CFAP46: variants seen among roughly 807,000 people sequenced by gnomAD.
CFAP46 encodes the protein cilia- and flagella-associated protein 46.
A neutral mutation model predicts 325.7 loss-of-function variants in CFAP46; 245 were observed. The ratio of observed to expected loss-of-function variants is 0.75; its 90% CI spans 0.68 to 0.84. The LOEUF is 0.84. CFAP46 is among the 40% of genes least tolerant of loss of function. The pLI, the probability that CFAP46 is intolerant of heterozygous loss-of-function variation, is 0.00. For synonymous variants in CFAP46, 1,523 were observed against 1,495.9 expected, an observed-to-expected ratio of 1.02 and a Z score of -0.42; for missense variants, 3,346 against 3,543.0, an observed-to-expected ratio of 0.94 and a Z score of 1.41.
At position 132,869,508 on chromosome 10, in the gene CFAP46, T is replaced by A; in HGVS notation, c.4512-136A>T. On this transcript the variant is annotated intron_variant, in intron 32 of 57. Coordinates refer to ENST00000368586, the MANE Select transcript of CFAP46 (RefSeq NM_001200049.3). This position sits in a 1 kb window ranked among gnomAD's most constrained non-coding sequence, Gnocchi z 6.2. ...CTTGGATGGTATTTTCAATCATTTT[T>A]AAAGGTAAGCGAAATTACTAGGGAA... 1 of 579,066 alleles carries A rather than the reference T, an allele frequency of 1.7e-6. No homozygotes were observed. Among genetic ancestry groups the A allele is most frequent in the Non-Finnish European group, 2.8e-6 (1 of 361,426 alleles). 35.9% of individuals were successfully genotyped at this position (579,066 alleles called of 1,614,324 possible).
At chr10:132,897,486 C>T (rs990305189) in intron 24 of CFAP46, among the ~76,000 whole-genome samples, 4 of 152,192 alleles carry the variant, frequency 2.6e-5, no homozygotes, top group East Asian at 1.9e-4. Flanking sequence ...TGGTAGGAAC[C>T]GCATATCTAG....
At chr10:132,932,059 G>GCTCCCCACACAGAGCCTGGACCTTCATC (rs1564805103) in intron 8 of CFAP46, among the ~76,000 whole-genome samples, 1 of 79,800 alleles carries the variant, frequency 1.3e-5, no homozygotes, top group Non-Finnish European at 2.4e-5. Flanking sequence ...GGGCCTTCCT[G>GCTCCCCACACAGAGCCTGGACCTTCATC]CTCCCCACAC....
Position 132,887,834 on chromosome 10 carries a change from TTC to T in CFAP46, c.3305-1877_3305-1876del, listed in dbSNP as rs202090633. 4.0e-3 allele frequency among the ~76,000 whole-genome samples: 268 copies of T among 66,864 alleles called. 37 individuals carry two copies. The highest frequency in any genetic ancestry group is 0.019 in the African/African-American group (218 of 11,600). The allele number at this position is 66,864 out of a possible 152,430, so 43.9% of individuals were successfully genotyped here. A position where few individuals can be genotyped will look rare whatever the true frequency, so the allele number is the denominator to read the frequency against. ...CTCCCCTCTTCTCTCCTCTCCCTTC[TTC>T]TCTCTCCTCTCCTCTCCCCTTCTCT... On this transcript the variant is annotated intron_variant, in intron 25 of 57. Coordinates refer to ENST00000368586, the MANE Select transcript of CFAP46 (RefSeq NM_001200049.3).
intron 44 of CFAP46, among the ~76,000 whole-genome samples, chr10:132,839,681 T>A (rs1405242129): frequency 6.6e-6 from 1 of 152,256 alleles, no homozygotes; most frequent in Non-Finnish European, 1.5e-5. Context: ...TAAGGACATT[T>A]GCTTCTATCT....
chr10:132,932,868 T>C (rs936673953), intron 8 of CFAP46, among the ~76,000 whole-genome samples: 1 of 152,240 alleles, frequency 6.6e-6, no homozygotes, highest in Non-Finnish European at 1.5e-5. Flanking sequence ...ATCACGCTCC[T>C]CCGGTGGAGA....
intron 19 of CFAP46, 41 bp downstream of exon 19, chr10:132,912,614 T>TCTC: frequency 2.9e-6 from 2 of 680,240 alleles, no homozygotes; most frequent in Admixed American, 4.9e-5. Context: ...CCTCTCTCTC[T>TCTC]CTCTCTCTCT....
chr10:132,822,028 AGTGCTGATGT>A lies in CFAP46; in HGVS notation c.7118-7124_7118-7115del, dbSNP rs1475091895. Among the ~76,000 whole-genome samples, 57 of 61,102 alleles carry A rather than the reference AGTGCTGATGT, an allele frequency of 9.3e-4. 1 individual carries two copies. The highest frequency in any genetic ancestry group is 0.017 in the Middle Eastern group (1 of 60). 40.1% of individuals were successfully genotyped at this position (61,102 alleles called of 152,430 possible). A position where few individuals can be genotyped will look rare whatever the true frequency, so the allele number is the denominator to read the frequency against. ...TGTGTGTGCTGATGTGTGCTGTGTG[AGTGCTGATGT>A]GTGCTGATGTGTGCTGTGTGTGCTG... is the stretch of plus-strand genomic sequence containing the variant. On this transcript the variant is annotated intron_variant, in intron 50 of 57. Coordinates refer to ENST00000368586, the MANE Select transcript of CFAP46 (RefSeq NM_001200049.3).
chr10:132,835,552 A>G, intron 46 of CFAP46, 118 bp from the exon 47 acceptor site: 1 of 1,317,982 alleles, frequency 7.6e-7, no homozygotes, highest in South Asian at 1.4e-5. Flanking sequence ...GCATGGATGG[A>G]AGTCCCTTCC....
intron 50 of CFAP46, among the ~76,000 whole-genome samples, chr10:132,821,481 C>CGCT (rs1847825216): frequency 7.9e-6 from 1 of 126,518 alleles, no homozygotes; most frequent in Non-Finnish European, 1.6e-5. Context: ...GTTGTGTGTG[C>CGCT]TGTGTGAGTG....
At chr10:132,929,253 G>C (rs1344429235) in intron 9 of CFAP46, 1 of 573,642 alleles carries the variant, frequency 1.7e-6, no homozygotes, top group Non-Finnish European at 3.1e-6. Context: ...TACTGTAACA[G>C]AAGTGATGTG....
chr10:132,930,469 C>A, intron 8 of CFAP46, among the ~76,000 whole-genome samples: 1 of 147,812 alleles, frequency 6.8e-6, no homozygotes, highest in Admixed American at 6.7e-5. Flanking sequence ...CACACAGAGC[C>A]TGGGCCTTCC....
intron 24 of CFAP46, among the ~76,000 whole-genome samples, chr10:132,895,232 C>CA (rs1218455486): frequency 3.3e-5 from 5 of 152,166 alleles, no homozygotes; most frequent in Admixed American, 6.5e-5. Flanking sequence ...GCTCAATTGA[C>CA]AGAGAAAAGG....
In CFAP46 at chr10:132,810,446, G is replaced by A; in HGVS notation, c.7627C>T (p.Pro2543Ser). ...CCTCGTCGCCACTCATCTTCTGAAG[G>A]AGACGCACTGTTTCTCCAATTGGCT... ...WEANWRNSAS[P>S]SEDEWRRGGE... Residue 2543 changes from proline to serine, a missense_variant, in exon 57 of 58, where the codon CCT becomes TCT. Coordinates refer to ENST00000368586, the MANE Select transcript of CFAP46 (RefSeq NM_001200049.3). 2 of 1,613,620 alleles carry A rather than the reference G, an allele frequency of 1.2e-6. No homozygotes were observed. Among genetic ancestry groups the A allele is most frequent in the Non-Finnish European group, 1.7e-6 (2 of 1,179,970 alleles).
chr10:132,908,346 G>C, intron 22 of CFAP46, 122 bp downstream of exon 22: 1 of 1,234,738 alleles, frequency 8.1e-7, no homozygotes, highest in East Asian at 2.5e-5. Context: ...CCAGGCCCGC[G>C]CTCCCTGCCC....
chr10:132,905,993 C>A (rs1417479635), intron 22 of CFAP46, among the ~76,000 whole-genome samples: 1 of 152,262 alleles, frequency 6.6e-6, no homozygotes, highest in Non-Finnish European at 1.5e-5. Context: ...GAAAATGTAA[C>A]CTCTAGCCTC....
At chr10:132,940,439 G>A (rs769720145) in intron 4 of CFAP46, among the ~76,000 whole-genome samples, 5 of 152,212 alleles carry the variant, frequency 3.3e-5, no homozygotes, top group Non-Finnish European at 5.9e-5. Context: ...AGAAAGTGCT[G>A]GAGTCGCCTC....
Position 132,846,080 on chromosome 10 carries a change from G to A in CFAP46, c.6415C>T (p.Gln2139Ter), listed in dbSNP as rs1387750781. 3 of 1,594,758 alleles carry A rather than the reference G, an allele frequency of 1.9e-6. No homozygotes were observed. Among genetic ancestry groups the A allele is most frequent in the Non-Finnish European group, 2.6e-6 (3 of 1,175,990 alleles). Reference sequence around the variant, plus strand: ...ACCTTGGACACGGCGGCCAGCCTCTGCTCCACACGGGCGCCCAGGCTGGTG... The same window carrying A: ...ACCTTGGACACGGCGGCCAGCCTCTACTCCACACGGGCGCCCAGGCTGGTG... Reference protein sequence around the residue: ...TTTSLGARVEQRLAAVSKAWQ... With the variant: ...TTTSLGARVE The change falls in exon 44 of 58, where the codon CAG (glutamine) becomes TAG (stop). Residue 2139 changes from glutamine (Q) to a stop codon, truncating the protein, a stop_gained. Coordinates refer to ENST00000368586, the MANE Select transcript of CFAP46 (RefSeq NM_001200049.3). LOFTEE classifies it high-confidence loss of function.
chr10:132,898,340 C>A (rs940586070), intron 24 of CFAP46, among the ~76,000 whole-genome samples: 1 of 152,212 alleles, frequency 6.6e-6, no homozygotes, highest in Non-Finnish European at 1.5e-5. Flanking sequence ...CTGTGCCCAG[C>A]GAGAAGCTGG....
chr10:132,926,861 T>C (rs10781544), intron 9 of CFAP46, among the ~76,000 whole-genome samples, 195 bp from the exon 10 acceptor site: 22,930 of 152,234 alleles, frequency 0.15, 2,244 homozygotes, highest in African/African-American at 0.28. Context: ...CAACTCCTTG[T>C]CTGCCTGCGG....
Sources: allele counts gnomAD v4.1 joint callset (sites outside exome capture counted in the v4.1 genomes callset), GRCh38; gene constraint gnomAD v4.1.1; non-coding constraint Gnocchi (gnomAD v3.1); transcripts MANE v1.5; gene names NCBI Gene and HGNC (gene_info 2026-07-23, HGNC 2026-07-21).